The following SPMIP7 variants were observed in gnomAD, a reference collection of about 807,000 sequenced individuals.
SPMIP7 encodes protein SPMIP7.
the SPMIP7 span, among the ~76,000 whole-genome samples, chr7:50,099,957 A>G: frequency 6.6e-6 from 1 of 152,212 alleles, no homozygotes; most frequent in African/African-American, 2.4e-5. Context: ...TTAGGCAACT[A>G]CCGAGAAGTT....
At chr7:50,137,669 T>C in the SPMIP7 span, among the ~76,000 whole-genome samples, 1 of 152,066 alleles carries the variant, frequency 6.6e-6, no homozygotes, top group Non-Finnish European at 1.5e-5. Context: ...TCACAGCCAG[T>C]GTTTAGAATT....
chr7:50,158,310 C>T, the SPMIP7 span, among the ~76,000 whole-genome samples: 39,640 of 150,690 alleles, frequency 0.26, 5,803 homozygotes, highest in East Asian at 0.69. Flanking sequence ...CTTCTGGCCT[C>T]TGGGTGAGGC....
chr7:50,119,742 T>A, the SPMIP7 span, among the ~76,000 whole-genome samples: 1 of 152,220 alleles, frequency 6.6e-6, no homozygotes, highest in Non-Finnish European at 1.5e-5. Context: ...CCTATCAAAG[T>A]GATGCCTACA....
At chr7:50,096,150 G>A in the SPMIP7 span, 1 of 1,548,824 alleles carries the variant, frequency 6.5e-7, no homozygotes. Context: ...ATCCTTTCAG[G>A]AACTGTTGAG....
chr7:50,137,636 G>T, the SPMIP7 span, among the ~76,000 whole-genome samples: 2 of 151,890 alleles, frequency 1.3e-5, no homozygotes, highest in Non-Finnish European at 2.9e-5. Flanking sequence ...CATTATAAGT[G>T]CTTGGGCTCC....
At chr7:50,143,289 T>C in the SPMIP7 span, among the ~76,000 whole-genome samples, 16 of 151,752 alleles carry the variant, frequency 1.1e-4, no homozygotes, top group Non-Finnish European at 8.8e-5. Context: ...ATCAGCCTCC[T>C]GAGTAGCAGG....
chr7:50,147,015 A>C, the SPMIP7 span, among the ~76,000 whole-genome samples: 2 of 152,238 alleles, frequency 1.3e-5, no homozygotes, highest in African/African-American at 4.8e-5. Flanking sequence ...TGGTCAGGGC[A>C]GCCCTGGAAT....
At chr7:50,131,893 A>G in the SPMIP7 span, among the ~76,000 whole-genome samples, 2 of 152,106 alleles carry the variant, frequency 1.3e-5, no homozygotes, top group Non-Finnish European at 2.9e-5. Flanking sequence ...GAATAAAGAA[A>G]TGACAACACG....
At chr7:50,137,639 T>G in the SPMIP7 span, among the ~76,000 whole-genome samples, 1 of 152,154 alleles carries the variant, frequency 6.6e-6, no homozygotes, top group Non-Finnish European at 1.5e-5. Context: ...TATAAGTGCT[T>G]GGGCTCCCAT....
chr7:50,099,215 G>C, the SPMIP7 span, among the ~76,000 whole-genome samples: 1 of 152,142 alleles, frequency 6.6e-6, no homozygotes, highest in Non-Finnish European at 1.5e-5. Context: ...TGTTATTCAA[G>C]TCCTCTATGT....
At chr7:50,154,634 G>A in the SPMIP7 span, among the ~76,000 whole-genome samples, 1 of 152,176 alleles carries the variant, frequency 6.6e-6, no homozygotes, top group African/African-American at 2.4e-5. Flanking sequence ...AGACATCGAG[G>A]TTGTGTCCAT....
chr7:50,105,608 A>G, the SPMIP7 span, among the ~76,000 whole-genome samples: 1 of 152,198 alleles, frequency 6.6e-6, no homozygotes, highest in African/African-American at 2.4e-5. Flanking sequence ...AGGTCATTTA[A>G]AGTATATGTC....
At chr7:50,116,635 G>A in the SPMIP7 span, among the ~76,000 whole-genome samples, 1 of 152,136 alleles carries the variant, frequency 6.6e-6, no homozygotes, top group Non-Finnish European at 1.5e-5. Context: ...ATCTGGAATG[G>A]AAACTTAAAA....
At chr7:50,116,197 C>T in the SPMIP7 span, among the ~76,000 whole-genome samples, 2 of 152,276 alleles carry the variant, frequency 1.3e-5, no homozygotes, top group Admixed American at 6.5e-5. Context: ...CTCACTGCAG[C>T]CTCAACCTCC....
chr7:50,151,698 GA>G, the SPMIP7 span: 256,738 of 592,020 alleles, frequency 0.43, 59,761 homozygotes, highest in East Asian at 0.72. Flanking sequence ...GTCCGAAACA[GA>G]AAAAAAGATA....
the SPMIP7 span, among the ~76,000 whole-genome samples, chr7:50,132,092 A>G: frequency 1.3e-5 from 2 of 152,174 alleles, no homozygotes; most frequent in East Asian, 3.8e-4. Context: ...AAAACACTTA[A>G]AAACATGATA....
chr7:50,113,616 C>T, the SPMIP7 span, among the ~76,000 whole-genome samples: 1 of 151,252 alleles, frequency 6.6e-6, no homozygotes, highest in African/African-American at 2.4e-5. Context: ...AAAGACATAG[C>T]AACATAAACT....
At chr7:50,096,869 G>C in the SPMIP7 span, among the ~76,000 whole-genome samples, 2 of 152,230 alleles carry the variant, frequency 1.3e-5, no homozygotes, top group Non-Finnish European at 2.9e-5. Flanking sequence ...TTAACACAAA[G>C]TATATAACAT....
At chr7:50,120,217 G>A in the SPMIP7 span, 6 of 152,186 alleles carry the variant, frequency 3.9e-5, no homozygotes, top group African/African-American at 9.7e-5. Flanking sequence ...CCTTAAAGTG[G>A]AATGAAGATA....
Sources: allele counts gnomAD v4.1 joint callset (sites outside exome capture counted in the v4.1 genomes callset), GRCh38; gene constraint gnomAD v4.1.1; transcripts MANE v1.5; gene names NCBI Gene and HGNC (gene_info 2026-07-23, HGNC 2026-07-21).